The following SPRY1 variants were observed in gnomAD, a reference collection of about 807,000 sequenced individuals.
SPRY1 encodes sprouty RTK signaling antagonist 1, also known as protein sprouty homolog 1.
Under a neutral mutation model 22.6 loss-of-function variants are expected in SPRY1, and 20 were observed. The observed-to-expected ratio is 0.89, with a 90% CI of 0.62 to 1.29. The LOEUF (loss-of-function observed/expected upper bound fraction) is 1.29. SPRY1 is among the 50% of genes most tolerant of loss of function. The pLI is 0.00. For synonymous variants in SPRY1, 155 were observed against 144.7 expected, an observed-to-expected ratio of 1.07 and a Z score of -0.51; for missense variants, 446 against 387.7, an observed-to-expected ratio of 1.15 and a Z score of -1.26.
intron 2 of SPRY1, among the ~76,000 whole-genome samples, chr4:123,401,177 G>A (rs539293411): frequency 6.6e-5 from 10 of 152,172 alleles, no homozygotes; most frequent in South Asian, 4.1e-4. Flanking sequence ...GCTTTCTTTA[G>A]ATGAGAGTTA....
rs896943435 is a variant in SPRY1, at chr4:123,397,594, C to CT, written c.-301-16dup. The CT allele has an allele frequency of 2.0e-5, 3 of 152,312 alleles. No homozygotes were observed. Among genetic ancestry groups the CT allele is most frequent in the South Asian group, 4.1e-4 (2 of 4,826 alleles). 9.4% of individuals were successfully genotyped at this position (152,312 alleles called of 1,614,324 possible). The stretch of plus-strand genomic sequence containing the variant: ...AAGGGACATTCACGAGCTTCTATCT[C>CT]TAATTCTCTGTCGCAGGCATTTCGG... On this transcript the variant is annotated splice_polypyrimidine_tract_variant and intron_variant, in intron 1 of 2. Transcript: ENST00000651917.
chr4:123,398,124 A>G (rs1724985373), intron 2 of SPRY1: 1 of 152,126 alleles, frequency 6.6e-6, no homozygotes, highest in South Asian at 2.1e-4. Context: ...CCCGTCACGC[A>G]CTCGACTCCG....
At chr4:123,398,364 G>A (rs1724998998) in intron 2 of SPRY1, 1 of 151,224 alleles carries the variant, frequency 6.6e-6, no homozygotes, top group African/African-American at 2.4e-5. Context: ...GGCGGCGGGG[G>A]CGGGGGAGGC....
chr4:123,401,165 G>C (rs1056114006), intron 2 of SPRY1, among the ~76,000 whole-genome samples: 1 of 152,118 alleles, frequency 6.6e-6, no homozygotes, highest in Non-Finnish European at 1.5e-5. Context: ...ACTGATAACT[G>C]AGCTTTCTTT....
rs1457840606 is a variant in SPRY1, at chr4:123,403,471, G to A, written c.*920G>A. 3 of 166,950 alleles carry A rather than the reference G, an allele frequency of 1.8e-5. No individual in the cohort carries two copies. Among genetic ancestry groups the A allele is most frequent in the Admixed American group, 6.6e-5 (1 of 15,254 alleles). 10.3% of individuals were successfully genotyped at this position (166,950 alleles called of 1,614,324 possible). On this transcript the variant is annotated 3_prime_UTR_variant, in exon 3 of 3. Transcript: ENST00000651917. ...GCTGAGTAATTCTAATCTCTTCTGT[G>A]TTTTCCTTGCCTTAACCACAAATTG... is the stretch of plus-strand genomic sequence containing the variant.
Position 123,397,644 on chromosome 4 carries a change from C to T in SPRY1, c.-268C>T, listed in dbSNP as rs1020375280. The T allele has an allele frequency of 6.6e-6, 1 of 152,076 alleles. No individual in the cohort carries two copies. The highest frequency in any genetic ancestry group is 1.9e-4 in the East Asian group (1 of 5,146). The allele number at this position is 152,076 out of a possible 1,614,324, so 9.4% of individuals were successfully genotyped here. ...GCCGTGGAACCCCAGGCTCGGAGGACTGGGTGTGAGCGCTGCCCGGGAGAG... is the reference window on the plus strand; with the variant it reads ...GCCGTGGAACCCCAGGCTCGGAGGATTGGGTGTGAGCGCTGCCCGGGAGAG... On this transcript the variant is annotated 5_prime_UTR_variant, in exon 2 of 3. Transcript: ENST00000651917.
At chr4:123,400,584 ATATT>A (rs1427299058) in intron 2 of SPRY1, among the ~76,000 whole-genome samples, 1 of 152,182 alleles carries the variant, frequency 6.6e-6, no homozygotes, top group African/African-American at 2.4e-5. Flanking sequence ...TTTTATCTGG[ATATT>A]AGTGTGCTGA....
rs763166544 is a variant in SPRY1 at position 123,402,021 on chromosome 4, C to T, written c.430C>T (p.Pro144Ser). ...GTTAGGAAGGTCACCACCAACCAGACCAGTCCCTGGTCATAGGTCTGAAAG... is the reference window on the plus strand; with the variant it reads ...GTTAGGAAGGTCACCACCAACCAGATCAGTCCCTGGTCATAGGTCTGAAAG... ...GLLGRSPPTR[P>S]VPGHRSERAI... The change falls in exon 3 of 3, where the codon CCA (proline) becomes TCA (serine). Residue 144 changes from proline to serine, a missense_variant. Pro to Ser is a moderately conservative substitution (Grantham distance 74). Transcript: ENST00000651917. 1 of 1,614,172 alleles carries T rather than the reference C, an allele frequency of 6.2e-7. No homozygotes were observed. The highest frequency in any genetic ancestry group is 1.1e-5 in the South Asian group (1 of 91,070).
At chr4:123,397,196 A>G (rs1724945729) in intron 1 of SPRY1, among the ~76,000 whole-genome samples, 1 of 152,164 alleles carries the variant, frequency 6.6e-6, no homozygotes, top group African/African-American at 2.4e-5. Flanking sequence ...AATTTGTGAA[A>G]CACAGAGCCG....
rs114098637 is a variant in SPRY1, at chr4:123,397,606, C to T, written c.-301-5C>T. The T allele has an allele frequency of 6.8e-4, 104 of 152,246 alleles. No individual in the cohort carries two copies. In the South Asian group the frequency reaches 0.021, roughly 31 times the overall value. 9.4% of individuals were successfully genotyped at this position (152,246 alleles called of 1,614,324 possible). ...CGAGCTTCTATCTCTAATTCTCTGTCGCAGGCATTTCGGCCGTGGAACCCC... is the reference window on the plus strand; with the variant it reads ...CGAGCTTCTATCTCTAATTCTCTGTTGCAGGCATTTCGGCCGTGGAACCCC... On this transcript the variant is annotated splice_region_variant and splice_polypyrimidine_tract_variant and intron_variant, in intron 1 of 2. Coordinates refer to ENST00000651917, the MANE Select transcript of SPRY1 (RefSeq NM_001258038.2).
Position 123,401,960 on chromosome 4 carries a change from T to C in SPRY1, c.369T>C (p.Ser123=). Residue 123 remains serine, a synonymous_variant, in exon 3 of 3, where the codon TCT becomes TCC. Coordinates refer to ENST00000651917, the MANE Select transcript of SPRY1 (RefSeq NM_001258038.2). ...RSTSTGSAAS[S]GSNSSASSEQ... ...CCAGCACTGGAAGTGCAGCCAGCTC[T>C]GGGAGCAACAGCAGTGCCTCTTCTG... is the stretch of plus-strand genomic sequence containing the variant. 2 of 1,614,186 alleles carry C rather than the reference T, an allele frequency of 1.2e-6. No individual in the cohort carries two copies. Among genetic ancestry groups the C allele is most frequent in the Non-Finnish European group, 1.7e-6 (2 of 1,180,024 alleles).
intron 2 of SPRY1, chr4:123,398,147 TTG>T (rs1057475708): frequency 1.3e-5 from 2 of 152,380 alleles, no homozygotes; most frequent in Admixed American, 1.3e-4. Flanking sequence ...ACTCCCCTAC[TTG>T]TTTTTCTGAG....
intron 2 of SPRY1, among the ~76,000 whole-genome samples, chr4:123,400,909 T>C (rs758913498): frequency 6.6e-6 from 1 of 152,240 alleles, no homozygotes; most frequent in Non-Finnish European, 1.5e-5. Context: ...AGAATCGTTG[T>C]GTACCTGATA....
In SPRY1 at chr4:123,402,174, C is replaced by T; in HGVS notation, c.583C>T (p.Pro195Ser). 7 of 1,614,218 alleles carry T rather than the reference C, an allele frequency of 4.3e-6. No homozygotes were observed. Among genetic ancestry groups the T allele is most frequent in the Non-Finnish European group, 5.9e-6 (7 of 1,180,036 alleles). Residue 195 changes from proline to serine, a missense_variant, in exon 3 of 3, where the codon CCC becomes TCC. By Grantham distance (74) the Pro-to-Ser change is moderately conservative. Coordinates refer to ENST00000651917, the MANE Select transcript of SPRY1 (RefSeq NM_001258038.2). ...GKCKCGECTA[P>S]RTLPSCLACN... Reference sequence around the variant, plus strand: ...GTGCAAGTGTGGAGAATGCACTGCTCCCAGGACCCTACCATCCTGTTTGGC... The same window carrying T: ...GTGCAAGTGTGGAGAATGCACTGCTTCCAGGACCCTACCATCCTGTTTGGC...
At position 123,398,685 on chromosome 4, in the gene SPRY1, G is replaced by GC. The variant is rs573451911; in HGVS notation, c.-56+834dup. Reference sequence around the variant, plus strand: ...GGCGCGGCCCCTCCCGCCGCTCCCTGCCCCCTGGGGGCCGCGGCTTCTGGG... The same window carrying GC: ...GGCGCGGCCCCTCCCGCCGCTCCCTGCCCCCCTGGGGGCCGCGGCTTCTGGG... On this transcript the variant is annotated intron_variant, in intron 2 of 2. Transcript: ENST00000651917. Among the ~76,000 whole-genome samples the GC allele has an allele frequency of 4.1e-3, 617 of 152,202 alleles. 5 individuals carry two copies. Among genetic ancestry groups the GC allele is most frequent in the African/African-American group, 0.014 (584 of 41,562 alleles).
chr4:123,401,468 T>TGGGGG, intron 2 of SPRY1, 69 bp from the exon 3 acceptor site: 1 of 1,003,418 alleles, frequency 1.0e-6, no homozygotes, highest in African/African-American at 1.7e-5. Flanking sequence ...TTGACAGGAT[T>TGGGGG]CCCCCCCCCC....
chr4:123,398,976 A>AT (rs1725033503), intron 2 of SPRY1, among the ~76,000 whole-genome samples: 1 of 151,980 alleles, frequency 6.6e-6, no homozygotes, highest in East Asian at 1.9e-4. Flanking sequence ...GAATTCGCCG[A>AT]TTACCCCCTC....
At position 123,402,153 on chromosome 4, in the gene SPRY1, A is replaced by C. The variant is rs369289367; in HGVS notation, c.562A>C (p.Lys188Gln). The C allele has an allele frequency of 1.2e-6, 2 of 1,614,182 alleles. No individual in the cohort carries two copies. Among genetic ancestry groups the C allele is most frequent in the East Asian group, 2.2e-5 (1 of 44,882 alleles). ...CATTTGTGAACAGTGTGGGAAGTGCAAGTGTGGAGAATGCACTGCTCCCAG... is the reference window on the plus strand; with the variant it reads ...CATTTGTGAACAGTGTGGGAAGTGCCAGTGTGGAGAATGCACTGCTCCCAG... ...KFICEQCGKC[K>Q]CGECTAPRTL... Residue 188 changes from lysine to glutamine, a missense_variant, in exon 3 of 3, where the codon AAG becomes CAG. Coordinates refer to ENST00000651917, the MANE Select transcript of SPRY1 (RefSeq NM_001258038.2).
Position 123,402,748 on chromosome 4 carries a change from C to T in SPRY1, c.*197C>T. 1.4e-6 allele frequency: 1 copy of T among 694,736 alleles called. No homozygotes were observed. Among genetic ancestry groups the T allele is most frequent in the Non-Finnish European group, 2.4e-6 (1 of 422,796 alleles). The allele number at this position is 694,736 out of a possible 1,614,324, so 43.0% of individuals were successfully genotyped here. ...AGCAAGAGTGGACTGGGAAGCTGCA[C>T]CTGGCTCCCACTTTCAACAAGAGCC... On this transcript the variant is annotated 3_prime_UTR_variant, in exon 3 of 3. Coordinates refer to ENST00000651917, the MANE Select transcript of SPRY1 (RefSeq NM_001258038.2).
Sources: gnomAD v4.1 joint callset for allele counts (sites outside exome capture counted in the v4.1 genomes callset) on GRCh38, gnomAD v4.1.1 for gene constraint, MANE v1.5 for transcripts, NCBI Gene and HGNC (gene_info 2026-07-23, HGNC 2026-07-21) for gene names.